Variants in ANKMY1 observed in about 807,000 individuals in gnomAD.
ANKMY1 encodes ankyrin repeat and MYND domain-containing protein 1.
In ANKMY1, 98 loss-of-function variants were observed where a neutral mutation model predicts 102.0. The observed-to-expected ratio is 0.96, with a 90% CI of 0.82 to 1.14. ANKMY1 has a LOEUF of 1.14. Among genes scored for constraint, ANKMY1 ranks in the 50% most tolerant of loss-of-function variants. The pLI is 0.00. For missense variants in ANKMY1, 1,330 were observed against 1,347.6 expected (o/e 0.99, Z 0.20); for synonymous variants, 582 against 559.9 (o/e 1.04, Z -0.56).
chr2:240,499,957 C>T lies in ANKMY1; in HGVS notation c.2806+1G>A. 2 of 1,611,214 alleles carry T rather than the reference C, an allele frequency of 1.2e-6. No individual in the cohort carries two copies. Among genetic ancestry groups the T allele is most frequent in the Non-Finnish European group, 1.7e-6 (2 of 1,178,690 alleles). On this transcript the variant is annotated splice_donor_variant, in intron 15 of 17. Transcript: ENST00000401804. LOFTEE classifies it high-confidence loss of function. The surrounding 1 kb of genome is among the most constrained non-coding windows in gnomAD (Gnocchi z 4.2). ...AGAGCAGAGCAGGGCCCACTGCTCA[C>T]CTCTCTTGCACAGGTACAGCCACGT...
At position 240,520,074 on chromosome 2, in the gene ANKMY1, C is replaced by A. The variant is rs745576007; in HGVS notation, c.2004+288G>T. 56 of 615,650 alleles carry A rather than the reference C, an allele frequency of 9.1e-5. No homozygotes were observed. The highest frequency in any genetic ancestry group is 4.3e-5 in the Admixed American group (2 of 46,604). The allele number at this position is 615,650 out of a possible 1,614,324, so 38.1% of individuals were successfully genotyped here. ...ATATAAGTCTCCCCTTTCCAAGGGG[C>A]CTTCAGGATGCGCTTCCCCTTAGTT... On this transcript the variant is annotated intron_variant, in intron 9 of 17. Coordinates refer to ENST00000401804, the MANE Select transcript of ANKMY1 (RefSeq NM_001282771.3). The surrounding 1 kb of genome is among the most constrained non-coding windows in gnomAD (Gnocchi z 4.8).
Position 240,529,081 on chromosome 2 carries a change from CT to C in ANKMY1, c.908del (p.Glu303GlyfsTer50). ...EDGEPWFIIN[E>X]TPLLVKIQKQ... ...TCTGGATTTTGACCAACAAAGGGGT[CT>C]CATTGATTATGAACCATGGTTCTCC... is the stretch of plus-strand genomic sequence containing the variant. On this transcript the variant is annotated frameshift_variant, in exon 5 of 18. Coordinates refer to ENST00000401804, the MANE Select transcript of ANKMY1 (RefSeq NM_001282771.3). LOFTEE classifies it high-confidence loss of function. The surrounding 1 kb of genome is among the most constrained non-coding windows in gnomAD (Gnocchi z 4.2). 1 of 1,614,136 alleles carries C rather than the reference CT, an allele frequency of 6.2e-7. No individual in the cohort carries two copies. The highest frequency in any genetic ancestry group is 8.5e-7 in the Non-Finnish European group (1 of 1,180,024).
rs375341706 is a variant in ANKMY1 at position 240,511,910 on chromosome 2, C to G, written c.2237G>C (p.Gly746Ala). 2.3e-5 allele frequency: 36 copies of G among 1,584,830 alleles called. No individual in the cohort carries two copies. In the African/African-American group the frequency reaches 2.9e-4, roughly 13 times the overall value. ...GGCCATGTGCAGAGCCGTCCTGCCC[C>G]CCTCCTCCGGGAGGGCTGTGTCCGT... ...YSTDTALPEEGGRTALHMACE... is the reference protein window; with the variant it reads ...YSTDTALPEEAGRTALHMACE... The change falls in exon 11 of 18, where the codon GGG (glycine) becomes GCG (alanine). Residue 746 changes from glycine to alanine, a missense_variant. Gly to Ala is a moderately conservative substitution (Grantham distance 60). Coordinates refer to ENST00000401804, the MANE Select transcript of ANKMY1 (RefSeq NM_001282771.3).
intron 13 of ANKMY1, among the ~76,000 whole-genome samples, chr2:240,502,645 T>C (rs528782784): frequency 3.2e-4 from 48 of 151,832 alleles, no homozygotes; most frequent in Non-Finnish European, 2.1e-4. Context: ...ACCCTGGCCC[T>C]GGCTGCCCAG....
intron 9 of ANKMY1, among the ~76,000 whole-genome samples, chr2:240,518,547 T>C (rs2081579279): frequency 1.3e-5 from 2 of 152,190 alleles, no homozygotes; most frequent in South Asian, 4.1e-4. Context: ...ATCTCACTGA[T>C]TGGCTTTCTG....
chr2:240,557,808 C>A (rs912299235), intron 1 of ANKMY1, 73 bp downstream of exon 1: 3 of 937,142 alleles, frequency 3.2e-6, no homozygotes, highest in South Asian at 4.9e-5. Flanking sequence ...GGCGCCCCCC[C>A]GCACCCGCCG....
chr2:240,536,479 C>T (rs2086774412), intron 4 of ANKMY1, among the ~76,000 whole-genome samples: 1 of 152,108 alleles, frequency 6.6e-6, no homozygotes, highest in South Asian at 2.1e-4. Context: ...AGGGAAAGGC[C>T]ATTTCAGGCC....
rs2152031570 is a variant in ANKMY1, at chr2:240,499,973, A to T, written c.2791T>A (p.Tyr931Asn). 6.2e-7 allele frequency: 1 copy of T among 1,612,654 alleles called. No homozygotes were observed. Among genetic ancestry groups the T allele is most frequent in the Non-Finnish European group, 8.5e-7 (1 of 1,179,650 alleles). The change falls in exon 15 of 18, where the codon TAC becomes AAC. Residue 931 changes from tyrosine (Y) to asparagine (N), a missense_variant. Coordinates refer to ENST00000401804, the MANE Select transcript of ANKMY1 (RefSeq NM_001282771.3). This position sits in a 1 kb window ranked among gnomAD's most constrained non-coding sequence, Gnocchi z 4.2. ...CACTGCTCACCTCTCTTGCACAGGT[A>T]CAGCCACGTGGGGTCCCACTGGCTC... is the stretch of plus-strand genomic sequence containing the variant. ...KESQWDPTWL[Y>N]LCKRAELIPS...
chr2:240,491,330 T>A (rs111852068), intron 15 of ANKMY1, among the ~76,000 whole-genome samples: 1 of 152,322 alleles, frequency 6.6e-6, no homozygotes, highest in African/African-American at 2.4e-5. Flanking sequence ...GATAATTTAA[T>A]TTGTTCATGT....
intron 12 of ANKMY1, among the ~76,000 whole-genome samples, chr2:240,508,733 A>C (rs2079538395): frequency 6.7e-6 from 1 of 150,350 alleles, no homozygotes; most frequent in Admixed American, 6.7e-5. Context: ...GCAGATGCTC[A>C]GTAAATAACA....
intron 10 of ANKMY1, 53 bp from the exon 11 acceptor site, chr2:240,512,054 G>A (rs140818336): frequency 0.011 from 16,709 of 1,483,158 alleles, 126 homozygotes; most frequent in South Asian, 0.021. Context: ...GTGTGCCCAC[G>A]GGAAGGCAAA....
At chr2:240,487,248 C>T (rs1018280116) in intron 15 of ANKMY1, among the ~76,000 whole-genome samples, 84 of 152,104 alleles carry the variant, frequency 5.5e-4, no homozygotes, top group African/African-American at 1.9e-3. Context: ...TTTTTGTGCC[C>T]GGCTTATTTC....
chr2:240,473,797 A>G, the ANKMY1 span, among the ~76,000 whole-genome samples: 6 of 152,244 alleles, frequency 3.9e-5, no homozygotes, highest in Admixed American at 2.0e-4. Context: ...CAGAAAAAGT[A>G]TTTGACAAAA....
chr2:240,497,036 C>G (rs1342856203), intron 15 of ANKMY1, among the ~76,000 whole-genome samples: 1 of 152,218 alleles, frequency 6.6e-6, no homozygotes, highest in East Asian at 1.9e-4. Context: ...CCCATCATAA[C>G]CTCCAGTAAT....
At chr2:240,560,654 G>A (rs764065634), upstream of ANKMY1, 2 of 1,478,900 alleles carry the variant, frequency 1.4e-6, no homozygotes, top group East Asian at 5.5e-5. Flanking sequence ...TAGATCCTCA[G>A]GGCCCAAAAG....
chr2:240,525,938 C>A, intron 6 of ANKMY1, 89 bp from the exon 7 acceptor site: 1 of 1,469,682 alleles, frequency 6.8e-7, no homozygotes, highest in South Asian at 1.2e-5. Context: ...CCTCATGAGG[C>A]CACCCTATGG....
intron 1 of ANKMY1, 24 bp from the exon 2 acceptor site, chr2:240,557,376 C>A (rs1234940632): frequency 1.4e-6 from 2 of 1,439,620 alleles, no homozygotes; most frequent in South Asian, 1.5e-5. Context: ...CAGGACCGCA[C>A]ATGTGCCCCC....
chr2:240,516,525 G>A (rs2081248746), intron 9 of ANKMY1, among the ~76,000 whole-genome samples: 1 of 152,146 alleles, frequency 6.6e-6, no homozygotes, highest in Non-Finnish European at 1.5e-5. Context: ...GTTGCCAGTG[G>A]TTATCCTAAT....
rs1483008156 is a variant in ANKMY1, at chr2:240,557,205, G to T, written c.131C>A (p.Ala44Asp). Residue 44 changes from alanine (A) to aspartate (D), a missense_variant, in exon 2 of 18, where the codon GCT (alanine) becomes GAT (aspartate). Physicochemically the swap from Ala to Asp is moderately radical, Grantham distance 126. Coordinates refer to ENST00000401804, the MANE Select transcript of ANKMY1 (RefSeq NM_001282771.3). ...TCCCCCGCACCTTGTGGCGAAGACA[G>T]CGTAGTTCTTCAGGGACCCCGGCTC... ...AEEPGSLKNY[A>D]VFATRDVSAA... is the part of the protein sequence containing the mutation. 5 of 1,565,828 alleles carry T rather than the reference G, an allele frequency of 3.2e-6. No individual in the cohort carries two copies. Among genetic ancestry groups the T allele is most frequent in the Non-Finnish European group, 3.5e-6 (4 of 1,153,808 alleles).
Sources: allele counts gnomAD v4.1 joint callset (sites outside exome capture counted in the v4.1 genomes callset), GRCh38; gene constraint gnomAD v4.1.1; non-coding constraint Gnocchi (gnomAD v3.1); transcripts MANE v1.5; gene names NCBI Gene and HGNC (gene_info 2026-07-23, HGNC 2026-07-21).